Variants in NCOR1 observed in about 807,000 individuals in gnomAD.
The protein encoded by NCOR1 is protein phosphatase 1, regulatory subunit 109.
Under a neutral mutation model 288.1 loss-of-function variants are expected in NCOR1, and 63 were observed. The observed-to-expected ratio is 0.22, with a 90% CI of 0.18 to 0.27. The LOEUF (loss-of-function observed/expected upper bound fraction) is 0.27, where lower values mean the gene tolerates loss of function less well. NCOR1 is among the 10% of genes least tolerant of loss of function. The pLI, the probability that NCOR1 is intolerant of heterozygous loss-of-function variation, is 1.00. For synonymous variants in NCOR1, 1,007 were observed against 1,065.9 expected, an observed-to-expected ratio of 0.94 and a Z score of 1.08; for missense variants, 2,397 against 3,019.2, an observed-to-expected ratio of 0.79 and a Z score of 4.83.
At chr17:16,204,485 ATTC>A (rs147985473) in intron 1 of NCOR1, among the ~76,000 whole-genome samples, 7,523 of 152,234 alleles carry the variant, frequency 0.049, 220 homozygotes, top group African/African-American at 0.092. Context: ...CCTCTCACTC[ATTC>A]TTCTTACTAT....
At chr17:16,094,082 T>C (rs144568316) in intron 21 of NCOR1, among the ~76,000 whole-genome samples, 41 of 152,160 alleles carry the variant, frequency 2.7e-4, no homozygotes, top group Non-Finnish European at 5.3e-4. Flanking sequence ...TTGTTTTTTT[T>C]TGGAGAGACA....
At chr17:16,136,098 G>A (rs1365411755) in intron 14 of NCOR1, among the ~76,000 whole-genome samples, 2 of 152,200 alleles carry the variant, frequency 1.3e-5, no homozygotes, top group Non-Finnish European at 2.9e-5. Flanking sequence ...GTTATTTGGG[G>A]AAAATCATTT....
chr17:16,120,203 GC>G (rs1374798239), intron 16 of NCOR1, among the ~76,000 whole-genome samples: 1 of 151,984 alleles, frequency 6.6e-6, no homozygotes, highest in Non-Finnish European at 1.5e-5. Context: ...CCTTGCTTGG[GC>G]CACTGCATAC....
chr17:16,115,299 A>T (rs2071355160), intron 18 of NCOR1, among the ~76,000 whole-genome samples: 1 of 152,190 alleles, frequency 6.6e-6, no homozygotes, highest in Non-Finnish European at 1.5e-5. Flanking sequence ...TATGATGGAA[A>T]GGGCTGCCAT....
chr17:16,104,509 G>A (rs552960287), intron 19 of NCOR1, among the ~76,000 whole-genome samples: 20 of 152,316 alleles, frequency 1.3e-4, no homozygotes, highest in Admixed American at 7.8e-4. Context: ...GGTGGCTCAC[G>A]CCTATAATCC....
chr17:16,142,211 A>G (rs990300717), intron 11 of NCOR1, among the ~76,000 whole-genome samples: 1 of 152,208 alleles, frequency 6.6e-6, no homozygotes, highest in Non-Finnish European at 1.5e-5. Flanking sequence ...AAATGTGCTA[A>G]GTAGTATGAA....
Position 16,127,283 on chromosome 17 carries a change from G to A in NCOR1, c.1510-1077C>T, listed in dbSNP as rs942864114. Among the ~76,000 whole-genome samples, 95 of 27,092 alleles carry A rather than the reference G, an allele frequency of 3.5e-3. 28 individuals carry two copies. The highest frequency in any genetic ancestry group is 6.0e-3 in the Non-Finnish European group (56 of 9,290). 17.8% of individuals were successfully genotyped at this position (27,092 alleles called of 152,430 possible). A position where few individuals can be genotyped will look rare whatever the true frequency, so the allele number is the denominator to read the frequency against. ...TGTGTATATATGTATGTATATATACGTGTATATATGTATGTATGTATATAT... is the reference window on the plus strand; with the variant it reads ...TGTGTATATATGTATGTATATATACATGTATATATGTATGTATGTATATAT... On this transcript the variant is annotated intron_variant, in intron 14 of 45. Coordinates refer to ENST00000268712, the MANE Select transcript of NCOR1 (RefSeq NM_006311.4).
chr17:16,178,877 G>A (rs568919765), intron 3 of NCOR1, among the ~76,000 whole-genome samples: 1 of 152,224 alleles, frequency 6.6e-6, no homozygotes, highest in Non-Finnish European at 1.5e-5. Context: ...GGCCGATGCA[G>A]GTGGATCACC....
intron 21 of NCOR1, among the ~76,000 whole-genome samples, chr17:16,093,939 G>A (rs556357613): frequency 7.8e-4 from 118 of 151,640 alleles, no homozygotes; most frequent in African/African-American, 2.7e-3. Context: ...ACAGTGTCTC[G>A]CTTTTTCACC....
intron 2 of NCOR1, among the ~76,000 whole-genome samples, chr17:16,193,279 G>A (rs1317317004): frequency 6.6e-6 from 1 of 152,078 alleles, no homozygotes; most frequent in Non-Finnish European, 1.5e-5. Context: ...TGCCCAGGCT[G>A]GAGTGCAACG....
chr17:16,185,447 G>C (rs116598505), intron 3 of NCOR1, among the ~76,000 whole-genome samples: 1,684 of 151,902 alleles, frequency 0.011, 37 homozygotes, highest in African/African-American at 0.038. Flanking sequence ...ACTTTGAGAG[G>C]CCAAAGCGGG....
At chr17:16,182,235 G>A (rs772556335) in intron 3 of NCOR1, among the ~76,000 whole-genome samples, 35 of 152,200 alleles carry the variant, frequency 2.3e-4, no homozygotes, top group Non-Finnish European at 4.6e-4. Context: ...TACAATAATT[G>A]GGGGAAGGGA....
chr17:16,180,776 T>C (rs373353718), intron 3 of NCOR1, among the ~76,000 whole-genome samples: 1 of 151,708 alleles, frequency 6.6e-6, no homozygotes, highest in East Asian at 1.9e-4. Flanking sequence ...AACAACCAGA[T>C]ACCTACACTC....
At chr17:16,058,232 C>T (rs2060153659) in intron 38 of NCOR1, 168 bp from the exon 39 acceptor site, 2 of 909,182 alleles carry the variant, frequency 2.2e-6, no homozygotes. Flanking sequence ...CTGAAGAAGT[C>T]TGAGGACTAG....
At chr17:16,055,196 A>G (rs909720722) in intron 40 of NCOR1, among the ~76,000 whole-genome samples, 1 of 152,222 alleles carries the variant, frequency 6.6e-6, no homozygotes, top group Non-Finnish European at 1.5e-5. Flanking sequence ...AGGAATATAA[A>G]TCATTCTATT....
At chr17:16,092,644 CATTTATATATATATATAT>C (rs1567955567) in intron 21 of NCOR1, among the ~76,000 whole-genome samples, 2 of 65,452 alleles carry the variant, frequency 3.1e-5, no homozygotes, top group African/African-American at 1.2e-4. Flanking sequence ...GGATCAGATC[CATTTATATATATATATAT>C]ATATATATAT....
At chr17:16,192,359 C>T (rs1246902456) in intron 2 of NCOR1, among the ~76,000 whole-genome samples, 2 of 151,840 alleles carry the variant, frequency 1.3e-5, no homozygotes, top group South Asian at 2.1e-4. Flanking sequence ...ACTAAAAATA[C>T]AAAAAATTAG....
chr17:16,047,859 G>A (rs896260289), intron 41 of NCOR1, among the ~76,000 whole-genome samples: 1 of 152,094 alleles, frequency 6.6e-6, no homozygotes, highest in African/African-American at 2.4e-5. Context: ...AGACAATTAA[G>A]GTGATAGGAA....
chr17:16,212,291 A>G (rs1358187241), intron 1 of NCOR1, among the ~76,000 whole-genome samples: 1 of 152,086 alleles, frequency 6.6e-6, no homozygotes, highest in Non-Finnish European at 1.5e-5. Context: ...GAAAAAAAAA[A>G]GATAATCTAT....
Sources: allele counts gnomAD v4.1 joint callset (sites outside exome capture counted in the v4.1 genomes callset), GRCh38; gene constraint gnomAD v4.1.1; transcripts MANE v1.5; gene names NCBI Gene and HGNC (gene_info 2026-07-23, HGNC 2026-07-21).